CFLAR: variants seen among roughly 807,000 people sequenced by gnomAD.
CFLAR encodes the protein CASP8 and FADD-like apoptosis regulator.
In CFLAR, 14 loss-of-function variants were observed where a neutral mutation model predicts 51.1. The observed-to-expected ratio is 0.27, with a 90% confidence interval of 0.18 to 0.43. The LOEUF (loss-of-function observed/expected upper bound fraction) is 0.43. Among genes scored for constraint, CFLAR ranks in the 20% least tolerant of loss-of-function variants. The pLI, the probability that CFLAR is intolerant of heterozygous loss-of-function variation, is 1.00. For synonymous variants in CFLAR, 210 were observed against 211.6 expected, an observed-to-expected ratio of 0.99 and a Z score of 0.06; for missense variants, 390 against 566.5, an observed-to-expected ratio of 0.69 and a Z score of 3.16.
rs539469722 is a variant in CFLAR, at chr2:201,166,552, T to TCCCAGAC, written c.*2580_*2586dup. The TCCCAGAC allele has an allele frequency of 6.3e-3, 1,174 of 186,900 alleles. 9 individuals are homozygous for TCCCAGAC. The highest frequency in any genetic ancestry group is 0.013 in the Middle Eastern group (6 of 452). The allele number at this position is 186,900 out of a possible 1,614,324, so 11.6% of individuals were successfully genotyped here. ...CCGGGCAGAGACGCTCCTCACTTCA[T>TCCCAGAC]CCCAGACGGGGTGGCGGCCGGGCAG... On this transcript the variant is annotated 3_prime_UTR_variant, in exon 10 of 10. Coordinates refer to ENST00000309955, the MANE Select transcript of CFLAR (RefSeq NM_003879.7).
At chr2:201,159,431 T>C (rs970052758) in intron 8 of CFLAR, among the ~76,000 whole-genome samples, 4 of 152,256 alleles carry the variant, frequency 2.6e-5, no homozygotes, top group African/African-American at 9.6e-5. Context: ...TGCCTCAGCC[T>C]CCTGAGTAGC....
intron 7 of CFLAR, chr2:201,149,440 G>A (rs2125850002): frequency 3.3e-6 from 1 of 301,032 alleles, no homozygotes; most frequent in Non-Finnish European, 6.2e-6. Flanking sequence ...ATAACTTCAG[G>A]TTACTGTGGA....
chr2:201,170,492 C>T lies in CFLAR; in HGVS notation c.*6519C>T, dbSNP rs1298374071. The T allele has an allele frequency of 6.6e-6, 1 of 152,192 alleles. No homozygotes were observed. The highest frequency in any genetic ancestry group is 2.4e-5 in the African/African-American group (1 of 41,458). The allele number at this position is 152,192 out of a possible 1,614,324, so 9.4% of individuals were successfully genotyped here. The stretch of plus-strand genomic sequence containing the variant: ...CTGTTTTATTCACTTGCTGATAATT[C>T]AGCCTAATCCAGTTTGACATCATAT... On this transcript the variant is annotated 3_prime_UTR_variant, in exon 10 of 10. Coordinates refer to ENST00000309955, the MANE Select transcript of CFLAR (RefSeq NM_003879.7).
intron 1 of CFLAR, among the ~76,000 whole-genome samples, chr2:201,117,351 T>G (rs764807904): frequency 1.3e-5 from 2 of 152,122 alleles, no homozygotes; most frequent in African/African-American, 2.4e-5. Context: ...GTGTCTGGAT[T>G]TGGACAGAAG....
chr2:201,133,254 T>G (rs1219823257), intron 3 of CFLAR, 120 bp downstream of exon 3: 1 of 662,468 alleles, frequency 1.5e-6, no homozygotes, highest in Non-Finnish European at 2.7e-6. Flanking sequence ...GTCAGACATC[T>G]CAGGTGGCTT....
chr2:201,173,832 T>C lies in CFLAR; in HGVS notation c.*9859T>C, dbSNP rs1305490878. The C allele has an allele frequency of 2.0e-5, 3 of 148,072 alleles. No individual in the cohort carries two copies. The highest frequency in any genetic ancestry group is 6.7e-5 in the Admixed American group (1 of 14,914). The allele number at this position is 148,072 out of a possible 1,614,324, so 9.2% of individuals were successfully genotyped here. On this transcript the variant is annotated 3_prime_UTR_variant, in exon 10 of 10. Coordinates refer to ENST00000309955, the MANE Select transcript of CFLAR (RefSeq NM_003879.7). The stretch of plus-strand genomic sequence containing the variant: ...GATTACAGGCACCCACCATCACGCC[T>C]GGCTAATTTTTGTATTTTTAGTAGA...
chr2:201,174,838 C>T lies in CFLAR; in HGVS notation c.*10865C>T, dbSNP rs1028704308. 1 of 152,124 alleles carries T rather than the reference C, an allele frequency of 6.6e-6. No homozygotes were observed. The highest frequency in any genetic ancestry group is 2.4e-5 in the African/African-American group (1 of 41,414). 9.4% of individuals were successfully genotyped at this position (152,124 alleles called of 1,614,324 possible). A position where few individuals can be genotyped will look rare whatever the true frequency, so the allele number is the denominator to read the frequency against. On this transcript the variant is annotated 3_prime_UTR_variant, in exon 10 of 10. Coordinates refer to ENST00000309955, the MANE Select transcript of CFLAR (RefSeq NM_003879.7). ...TTTGGCAGGACTGGTTTCCCAAGAC[C>T]ACAAGACCCTGTAAGACCCTGCTGA... is the stretch of plus-strand genomic sequence containing the variant.
intron 1 of CFLAR, among the ~76,000 whole-genome samples, chr2:201,117,470 G>A (rs1040768634): frequency 6.6e-6 from 1 of 152,152 alleles, no homozygotes; most frequent in Non-Finnish European, 1.5e-5. Flanking sequence ...GACGCCAGAG[G>A]TCTTGCGAAT....
In CFLAR at chr2:201,174,994, T is replaced by C. The variant is rs1421131219; in HGVS notation, c.*11021T>C. ...ACATTAGCACGCTAAAAGAAACTTC[T>C]ACAGCACCATGATAGTTTACAACTG... On this transcript the variant is annotated 3_prime_UTR_variant, in exon 10 of 10. Transcript: ENST00000309955. 2 of 152,220 alleles carry C rather than the reference T, an allele frequency of 1.3e-5. No individual in the cohort carries two copies. The highest frequency in any genetic ancestry group is 1.9e-4 in the East Asian group (1 of 5,200). The allele number at this position is 152,220 out of a possible 1,614,324, so 9.4% of individuals were successfully genotyped here.
At chr2:201,140,744 T>C in intron 5 of CFLAR, 1 of 216,772 alleles carries the variant, frequency 4.6e-6, no homozygotes, top group East Asian at 1.3e-4. Context: ...GGTTTGCATC[T>C]GTATCTGTAT....
intron 9 of CFLAR, chr2:201,163,214 C>G (rs1943231455): frequency 8.0e-7 from 1 of 1,254,402 alleles, no homozygotes; most frequent in African/African-American, 1.5e-5. Context: ...ATCTGGAAGG[C>G]TTTGTTATAT....
In CFLAR at chr2:201,171,110, A is replaced by G. The variant is rs1422787449; in HGVS notation, c.*7137A>G. The G allele has an allele frequency of 6.6e-6, 1 of 152,168 alleles. No homozygotes were observed. The highest frequency in any genetic ancestry group is 1.5e-5 in the Non-Finnish European group (1 of 68,032). 9.4% of individuals were successfully genotyped at this position (152,168 alleles called of 1,614,324 possible). A position where few individuals can be genotyped will look rare whatever the true frequency, so the allele number is the denominator to read the frequency against. The stretch of plus-strand genomic sequence containing the variant: ...GTGGGAGATAAGCTATGAGGATGCA[A>G]AGGCATAAGAAGGATACAATGGACT... On this transcript the variant is annotated 3_prime_UTR_variant, in exon 10 of 10. Transcript: ENST00000309955.
At chr2:201,139,972 A>G (rs1938174053) in intron 4 of CFLAR, 7 of 245,788 alleles carry the variant, frequency 2.8e-5, no homozygotes, top group Non-Finnish European at 8.2e-6. Flanking sequence ...CCTTCAGCGC[A>G]GTGAACCCGT....
chr2:201,172,266 A>G lies in CFLAR; in HGVS notation c.*8293A>G, dbSNP rs987918402. 6 of 152,358 alleles carry G rather than the reference A, an allele frequency of 3.9e-5. No homozygotes were observed. Among genetic ancestry groups the G allele is most frequent in the African/African-American group, 1.4e-4 (6 of 41,582 alleles). The allele number at this position is 152,358 out of a possible 1,614,324, so 9.4% of individuals were successfully genotyped here. A position where few individuals can be genotyped will look rare whatever the true frequency, so the allele number is the denominator to read the frequency against. On this transcript the variant is annotated 3_prime_UTR_variant, in exon 10 of 10. Coordinates refer to ENST00000309955, the MANE Select transcript of CFLAR (RefSeq NM_003879.7). Reference sequence around the variant, plus strand: ...ATGGATCTCCTAAATTTTAACTTTTATAAAATATTTTGATACATTCATGAC... The same window carrying G: ...ATGGATCTCCTAAATTTTAACTTTTGTAAAATATTTTGATACATTCATGAC...
intron 9 of CFLAR, chr2:201,163,034 A>T: frequency 1.3e-6 from 1 of 757,866 alleles, no homozygotes; most frequent in South Asian, 1.4e-5. Context: ...GAGTCAAAGG[A>T]CATGCATTTT....
intron 2 of CFLAR, among the ~76,000 whole-genome samples, chr2:201,130,651 C>T (rs1312672321): frequency 1.3e-5 from 2 of 152,082 alleles, no homozygotes; most frequent in Non-Finnish European, 2.9e-5. Flanking sequence ...CAGGCATGAG[C>T]CATTGCCTCC....
intron 3 of CFLAR, 42 bp from the exon 4 acceptor site, chr2:201,135,930 C>G (rs1183712040): frequency 6.3e-7 from 1 of 1,589,588 alleles, no homozygotes; most frequent in South Asian, 1.2e-5. Context: ...CCTGGCCTAG[C>G]TAGCTCTATT....
chr2:201,166,951 TGGGGAGAGGGAGAAGAGAGGGAG>T lies in CFLAR; in HGVS notation c.*2989_*3011del, dbSNP rs1553565135. ...TCGGCTCGGCATCAGAGGGAGACCG[TGGGGAGAGGGAGAAGAGAGGGAG>T]GGGGAGAGGGCTATTTTTAAAATTT... is the stretch of plus-strand genomic sequence containing the variant. On this transcript the variant is annotated 3_prime_UTR_variant, in exon 10 of 10. Coordinates refer to ENST00000309955, the MANE Select transcript of CFLAR (RefSeq NM_003879.7). 2 of 150,700 alleles carry T rather than the reference TGGGGAGAGGGAGAAGAGAGGGAG, an allele frequency of 1.3e-5. No homozygotes were observed. Among genetic ancestry groups the T allele is most frequent in the Non-Finnish European group, 3.0e-5 (2 of 67,380 alleles). 9.3% of individuals were successfully genotyped at this position (150,700 alleles called of 1,614,324 possible). A position where few individuals can be genotyped will look rare whatever the true frequency, so the allele number is the denominator to read the frequency against.
Position 201,141,373 on chromosome 2 carries a change from G to A in CFLAR, c.606+934G>A, listed in dbSNP as rs10190751. 0.2 allele frequency: 313,814 copies of A among 1,555,566 alleles called. 34,853 individuals are homozygous for A. Among genetic ancestry groups the A allele is most frequent in the African/African-American group, 0.42 (30,710 of 73,414 alleles). On this transcript the variant is annotated intron_variant, in intron 5 of 9. Coordinates refer to ENST00000309955, the MANE Select transcript of CFLAR (RefSeq NM_003879.7). ...CATTTTTGCTTTTTTCTCTTCTACA[G>A]ATGATAACACCCTATGCCCATTGTC...
Sources: gnomAD v4.1 joint callset for allele counts (sites outside exome capture counted in the v4.1 genomes callset) on GRCh38, gnomAD v4.1.1 for gene constraint, MANE v1.5 for transcripts, NCBI Gene and HGNC (gene_info 2026-07-23, HGNC 2026-07-21) for gene names.